Variants in UTRN observed in about 807,000 individuals in gnomAD.
UTRN encodes the protein utrophin.
A neutral mutation model predicts 463.9 loss-of-function variants in UTRN; 283 were observed. That is an observed-to-expected ratio of 0.61 (90% CI 0.55 to 0.67). The LOEUF is 0.67. Among genes scored for constraint, UTRN ranks in the 30% least tolerant of loss-of-function variants. UTRN has a pLI of 0.00. For missense variants in UTRN, 3,922 were observed against 4,084.3 expected, an observed-to-expected ratio of 0.96 and a Z score of 1.08; for synonymous variants, 1,442 against 1,431.5, an observed-to-expected ratio of 1.01 and a Z score of -0.17.
At position 144,511,134 on chromosome 6, in the gene UTRN, G is replaced by A. The variant is rs1795130686; in HGVS notation, c.4944+11G>A. The A allele has an allele frequency of 1.3e-6, 2 of 1,515,352 alleles. No homozygotes were observed. The highest frequency in any genetic ancestry group is 1.8e-6 in the Non-Finnish European group (2 of 1,124,258). 93.9% of individuals were successfully genotyped at this position (1,515,352 alleles called of 1,614,324 possible). On this transcript the variant is annotated intron_variant, in intron 35 of 74. Coordinates refer to ENST00000367545, the MANE Select transcript of UTRN (RefSeq NM_007124.3). ...TGCAATACCTTGATGGTATGTCTCA[G>A]GAAAAAGTAAATGATGAAATCTTCT... is the stretch of plus-strand genomic sequence containing the variant.
chr6:144,531,607 T>G (rs1352751986), intron 42 of UTRN, among the ~76,000 whole-genome samples: 1 of 152,200 alleles, frequency 6.6e-6, no homozygotes, highest in African/African-American at 2.4e-5. Flanking sequence ...TATCATAAAG[T>G]AAATTATTCT....
intron 18 of UTRN, among the ~76,000 whole-genome samples, chr6:144,452,323 C>G (rs1418033429): frequency 1.3e-5 from 2 of 152,128 alleles, no homozygotes; most frequent in Non-Finnish European, 2.9e-5. Flanking sequence ...TATTTGATAG[C>G]ACTTACATGT....
chr6:144,325,878 TA>T (rs371007648), intron 2 of UTRN, among the ~76,000 whole-genome samples: 21 of 148,120 alleles, frequency 1.4e-4, no homozygotes, highest in South Asian at 2.1e-4. Context: ...CAGAATGTGA[TA>T]AAAAAAAAAT....
At chr6:144,410,901 T>A (rs1385996472) in intron 3 of UTRN, among the ~76,000 whole-genome samples, 1 of 152,194 alleles carries the variant, frequency 6.6e-6, no homozygotes, top group East Asian at 1.9e-4. Context: ...AATTGCAAAT[T>A]GTGCTGCTAT....
intron 53 of UTRN, among the ~76,000 whole-genome samples, chr6:144,726,894 T>C (rs1787936169): frequency 6.6e-6 from 1 of 152,160 alleles, no homozygotes; most frequent in Admixed American, 6.5e-5. Context: ...GATAGGTTGG[T>C]TTTCCAAAGT....
intron 51 of UTRN, among the ~76,000 whole-genome samples, chr6:144,588,057 G>C (rs566693192): frequency 2.6e-5 from 4 of 151,648 alleles, no homozygotes; most frequent in African/African-American, 9.7e-5. Flanking sequence ...CCTGGGAGCT[G>C]TATGGATACC....
chr6:144,465,404 G>T (rs1584895203), intron 23 of UTRN, among the ~76,000 whole-genome samples: 1 of 152,194 alleles, frequency 6.6e-6, no homozygotes, highest in African/African-American at 2.4e-5. Flanking sequence ...GGCACTAAAA[G>T]TGGTCACTTG....
intron 51 of UTRN, among the ~76,000 whole-genome samples, chr6:144,627,805 T>G (rs1776099722): frequency 1.3e-5 from 2 of 149,108 alleles, no homozygotes; most frequent in African/African-American, 2.5e-5. Flanking sequence ...TGTTTTTTTT[T>G]TTTTTTTTTT....
Position 144,793,863 on chromosome 6 carries a change from G to A in UTRN, c.8950G>A (p.Glu2984Lys). Residue 2984 changes from glutamate (E) to lysine (K), a missense_variant, in exon 63 of 75, where the codon GAA becomes AAA. Around this residue, in one of 3 missense-constraint regions of UTRN, gnomAD observed 1,309 missense variants for 1,452.6 expected, o/e 0.90. Coordinates refer to ENST00000367545, the MANE Select transcript of UTRN (RefSeq NM_007124.3). ...CTTTAAGGAAGTTGCAGGGCCAACA[G>A]AAATGTGTGACCAGAGGCAGCTGGG... ...YLFKEVAGPTEMCDQRQLGLL... is the reference protein window; with the variant it reads ...YLFKEVAGPTKMCDQRQLGLL... 2 of 1,614,134 alleles carry A rather than the reference G, an allele frequency of 1.2e-6. No homozygotes were observed. Among genetic ancestry groups the A allele is most frequent in the East Asian group, 2.2e-5 (1 of 44,884 alleles).
At chr6:144,639,943 G>C (rs888517684) in intron 51 of UTRN, among the ~76,000 whole-genome samples, 1 of 152,196 alleles carries the variant, frequency 6.6e-6, no homozygotes, top group Non-Finnish European at 1.5e-5. Flanking sequence ...AGGGGCAGGA[G>C]AGAGGGAGGC....
chr6:144,531,119 A>C lies in UTRN; in HGVS notation c.5974A>C (p.Ile1992Leu). Residue 1992 changes from isoleucine to leucine, a missense_variant, in exon 42 of 75, where the codon ATA (isoleucine) becomes CTA (leucine). Around this residue, in one of 3 missense-constraint regions of UTRN, gnomAD observed 2,349 missense variants for 2,303.8 expected, o/e 1.02. Transcript: ENST00000367545. ...HCDLNDLTQW[I>L]TEAEELLVDT... ...TGACCTTAATGACCTCACACAGTGG[A>C]TAACAGAGGCTGAAGAATTACTGGT... 6.2e-7 allele frequency: 1 copy of C among 1,614,028 alleles called. No individual in the cohort carries two copies. The highest frequency in any genetic ancestry group is 1.1e-5 in the South Asian group (1 of 91,056).
At chr6:144,453,431 T>C (rs1385543996) in intron 18 of UTRN, among the ~76,000 whole-genome samples, 1 of 152,174 alleles carries the variant, frequency 6.6e-6, no homozygotes, top group African/African-American at 2.4e-5. Context: ...CCTATCCTTT[T>C]TTCTTGTTAG....
intron 13 of UTRN, among the ~76,000 whole-genome samples, chr6:144,441,840 T>G (rs556097317): frequency 6.6e-6 from 1 of 152,342 alleles, no homozygotes; most frequent in East Asian, 1.9e-4. Context: ...TTGACTTCTG[T>G]GTACCCGCAG....
chr6:144,732,827 C>T (rs1271873888), intron 54 of UTRN, among the ~76,000 whole-genome samples: 1 of 152,076 alleles, frequency 6.6e-6, no homozygotes, highest in Non-Finnish European at 1.5e-5. Flanking sequence ...TCAATCCTCC[C>T]ACCTCAGCCT....
chr6:144,334,786 G>A (rs984395780), intron 2 of UTRN, among the ~76,000 whole-genome samples: 5 of 152,188 alleles, frequency 3.3e-5, no homozygotes, highest in African/African-American at 4.8e-5. Context: ...CTGAAGGAAC[G>A]GCTCAATAGC....
chr6:144,710,665 T>C (rs1050770547), intron 53 of UTRN, among the ~76,000 whole-genome samples: 1 of 152,242 alleles, frequency 6.6e-6, no homozygotes, highest in African/African-American at 2.4e-5. Context: ...TAGCACATAG[T>C]AAACACTCAG....
chr6:144,521,409 C>G (rs1796081594), intron 39 of UTRN, among the ~76,000 whole-genome samples: 2 of 152,110 alleles, frequency 1.3e-5, no homozygotes, highest in Admixed American at 6.5e-5. Context: ...ACTTCATGAT[C>G]TATTTTCTAA....
chr6:144,347,874 C>G (rs528872733), intron 2 of UTRN, among the ~76,000 whole-genome samples: 1 of 134,728 alleles, frequency 7.4e-6, no homozygotes, highest in Non-Finnish European at 1.5e-5. Flanking sequence ...GACTAAGTCT[C>G]GCTGTGTTGC....
At position 144,700,083 on chromosome 6, in the gene UTRN, A is replaced by C; in HGVS notation, c.7653-4A>C. 1 of 1,588,504 alleles carries C rather than the reference A, an allele frequency of 6.3e-7. No homozygotes were observed. Among genetic ancestry groups the C allele is most frequent in the Non-Finnish European group, 8.6e-7 (1 of 1,164,822 alleles). Reference sequence around the variant, plus strand: ...TTATTATTATTATTATTATCTCTCAACAGGGCCCATTTGGAGGCCAGCGCT... The same window carrying C: ...TTATTATTATTATTATTATCTCTCACCAGGGCCCATTTGGAGGCCAGCGCT... On this transcript the variant is annotated splice_region_variant and splice_polypyrimidine_tract_variant and intron_variant, in intron 52 of 74. Transcript: ENST00000367545.
Sources: allele counts gnomAD v4.1 joint callset (sites outside exome capture counted in the v4.1 genomes callset), GRCh38; gene constraint gnomAD v4.1.1; regional missense constraint gnomAD v4.1.1; transcripts MANE v1.5; gene names NCBI Gene and HGNC (gene_info 2026-07-23, HGNC 2026-07-21).